The following ZNF518A variants were observed in gnomAD, a reference collection of about 807,000 sequenced individuals.
ZNF518A encodes the protein zinc finger protein 518A.
Under a neutral mutation model 102.7 loss-of-function variants are expected in ZNF518A, and 47 were observed. That is an observed-to-expected ratio of 0.46 (90% CI 0.36 to 0.58). The LOEUF (loss-of-function observed/expected upper bound fraction) is 0.58. Ranked by LOEUF, ZNF518A falls within the 20% of genes least tolerant of loss-of-function variation. ZNF518A has a pLI of 0.00. For synonymous variants in ZNF518A, 652 were observed against 594.6 expected (o/e 1.10, Z -1.40); for missense variants, 1,793 against 1,699.8 (o/e 1.05, Z -0.96).
intron 3 of ZNF518A, 144 bp from the exon 4 acceptor site, chr10:96,155,182 G>T (rs1011540738): frequency 6.6e-6 from 1 of 152,088 alleles, no homozygotes; most frequent in Admixed American, 6.5e-5. Flanking sequence ...TGTCCCATAC[G>T]TGGTAATCAC....
chr10:96,182,802 G>C (rs782268111), intron 1 of ZNF518A, among the ~76,000 whole-genome samples: 2 of 152,188 alleles, frequency 1.3e-5, no homozygotes, highest in African/African-American at 4.8e-5. Flanking sequence ...TTGTGTCTCT[G>C]CCAGGCTTTG....
intron 2 of ZNF518A, 94 bp downstream of exon 2, chr10:96,132,764 A>C (rs3168019): frequency 6.6e-6 from 1 of 152,104 alleles, no homozygotes; most frequent in Non-Finnish European, 1.5e-5. Flanking sequence ...AATATAGGTT[A>C]AGTATCCCAA....
chr10:96,145,141 C>T (rs1359847962), intron 3 of ZNF518A, among the ~76,000 whole-genome samples: 1 of 152,044 alleles, frequency 6.6e-6, no homozygotes, highest in Non-Finnish European at 1.5e-5. Context: ...GTAATCTCAG[C>T]TTACTGCAAC....
rs2083011197 is a variant in ZNF518A at position 96,161,818 on chromosome 10, G to C, written c.*1044G>C. The C allele has an allele frequency of 6.0e-6, 1 of 166,968 alleles. No individual in the cohort carries two copies. Among genetic ancestry groups the C allele is most frequent in the South Asian group, 2.1e-4 (1 of 4,830 alleles). 10.3% of individuals were successfully genotyped at this position (166,968 alleles called of 1,614,324 possible). On this transcript the variant is annotated 3_prime_UTR_variant, in exon 6 of 6. Coordinates refer to ENST00000316045, the MANE Select transcript of ZNF518A (RefSeq NM_001330736.2). The stretch of plus-strand genomic sequence containing the variant: ...GCATTTCTGTTAGCTGCTTCTCAGT[G>C]TGACTGACAACCCAAAACATATATA...
At chr10:96,189,676 T>C (rs1263511587) in intron 1 of ZNF518A, 1 of 719,846 alleles carries the variant, frequency 1.4e-6, no homozygotes, top group African/African-American at 1.7e-5. Flanking sequence ...TGGTGCTTTT[T>C]CTTCAGTTTC....
At chr10:96,135,760 C>T (rs1323088834) in intron 3 of ZNF518A, among the ~76,000 whole-genome samples, 1 of 152,076 alleles carries the variant, frequency 6.6e-6, no homozygotes, top group Non-Finnish European at 1.5e-5. Flanking sequence ...AGAAGAATTC[C>T]TTGTCTTGGA....
At chr10:96,148,376 G>T (rs1159002948) in intron 3 of ZNF518A, among the ~76,000 whole-genome samples, 1 of 152,118 alleles carries the variant, frequency 6.6e-6, no homozygotes, top group African/African-American at 2.4e-5. Context: ...GGAGGTGGAG[G>T]TTGTGGTGAG....
At chr10:96,190,843 G>T (rs2083316483) in intron 1 of ZNF518A, among the ~76,000 whole-genome samples, 2 of 152,070 alleles carry the variant, frequency 1.3e-5, no homozygotes, top group Non-Finnish European at 2.9e-5. Flanking sequence ...TTTATTCCTT[G>T]GTGTTCACCA....
chr10:96,134,416 T>C (rs1285573954), intron 3 of ZNF518A, among the ~76,000 whole-genome samples: 5 of 152,100 alleles, frequency 3.3e-5, no homozygotes, highest in East Asian at 1.9e-4. Flanking sequence ...TTATTTTTAG[T>C]GGAGACGAGG....
At chr10:96,141,451 C>T (rs974997697) in intron 3 of ZNF518A, among the ~76,000 whole-genome samples, 2 of 152,070 alleles carry the variant, frequency 1.3e-5, no homozygotes, top group South Asian at 4.1e-4. Flanking sequence ...ATGAACAGAA[C>T]AAAGGTAAAT....
At chr10:96,173,012 T>G (rs587688492) in intron 1 of ZNF518A, among the ~76,000 whole-genome samples, 6 of 152,290 alleles carry the variant, frequency 3.9e-5, no homozygotes, top group Admixed American at 1.3e-4. Context: ...GTACAGACTT[T>G]TTTTCTTATT....
chr10:96,205,005 C>T (rs1299668139), downstream of ZNF518A: 4 of 306,892 alleles, frequency 1.3e-5, no homozygotes, highest in Middle Eastern at 2.3e-3. Context: ...GTGGAGACAA[C>T]ACCCTGGTGG....
At chr10:96,164,532 CTT>C (rs1205365655), downstream of ZNF518A, among the ~76,000 whole-genome samples, 13 of 152,196 alleles carry the variant, frequency 8.5e-5, no homozygotes, top group African/African-American at 2.4e-4. Flanking sequence ...GTATGCCTCT[CTT>C]AATAACTGGA....
Position 96,157,319 on chromosome 10 carries a change from A to T in ZNF518A, c.997A>T (p.Ile333Phe), listed in dbSNP as rs1554883314. Residue 333 changes from isoleucine (I) to phenylalanine (F), a missense_variant, in exon 6 of 6, where the codon ATT becomes TTT. Coordinates refer to ENST00000316045, the MANE Select transcript of ZNF518A (RefSeq NM_001330736.2). Reference sequence around the variant, plus strand: ...GAAGACGTTCTGGAAACGTAAGAAAATTAACAGTGGAAGTGACAGAAGTAT... The same window carrying T: ...GAAGACGTTCTGGAAACGTAAGAAATTTAACAGTGGAAGTGACAGAAGTAT... Reference protein sequence around the residue: ...SRKTFWKRKKINSGSDRSIEK... With the variant: ...SRKTFWKRKKFNSGSDRSIEK... The T allele has an allele frequency of 6.2e-7, 1 of 1,611,862 alleles. No homozygotes were observed. Among genetic ancestry groups the T allele is most frequent in the Admixed American group, 1.7e-5 (1 of 59,580 alleles).
intron 3 of ZNF518A, among the ~76,000 whole-genome samples, chr10:96,136,800 A>G (rs921806902): frequency 3.9e-5 from 6 of 152,178 alleles, no homozygotes; most frequent in South Asian, 2.1e-4. Flanking sequence ...GTAGTTTCCT[A>G]TGTCCTTGCC....
chr10:96,133,506 A>G (rs1378166497), intron 2 of ZNF518A, 77 bp from the exon 3 acceptor site: 1 of 152,164 alleles, frequency 6.6e-6, no homozygotes, highest in African/African-American at 2.4e-5. Flanking sequence ...TGTAGTGGAA[A>G]ATATTGTACC....
At chr10:96,186,726 T>C (rs587774924) in intron 1 of ZNF518A, among the ~76,000 whole-genome samples, 67 of 152,304 alleles carry the variant, frequency 4.4e-4, no homozygotes, top group African/African-American at 1.6e-3. Context: ...ATTTTACAAA[T>C]AGAGAAACCA....
rs1554882649 is a variant in ZNF518A, at chr10:96,156,672, T to C, written c.350T>C (p.Leu117Pro). ...GGTGTAAAAATGTCTGCAAAAATAC[T>C]CAATTTCAGCTGTTTAAAATGCCGA... ...EEGVKMSAKI[L>P]NFSCLKCRDN... Residue 117 changes from leucine to proline, a missense_variant, in exon 6 of 6, where the codon CTC becomes CCC. Physicochemically the swap from Leu to Pro is moderately conservative, Grantham distance 98 (BLOSUM62 -3). Around this residue, in one of 3 missense-constraint regions of ZNF518A, gnomAD observed 1,741 missense variants for 1,622.6 expected, o/e 1.07. Transcript: ENST00000316045. 6.2e-7 allele frequency: 1 copy of C among 1,613,794 alleles called. No homozygotes were observed. The highest frequency in any genetic ancestry group is 8.5e-7 in the Non-Finnish European group (1 of 1,179,782).
intron 1 of ZNF518A, chr10:96,201,131 A>G (rs1231225396): frequency 3.0e-6 from 4 of 1,326,402 alleles, no homozygotes; most frequent in Non-Finnish European, 4.3e-6. Flanking sequence ...ATCCCCTAAC[A>G]CTGTACTAGG....
Sources: allele counts gnomAD v4.1 joint callset (sites outside exome capture counted in the v4.1 genomes callset), GRCh38; gene constraint gnomAD v4.1.1; regional missense constraint gnomAD v4.1.1; transcripts MANE v1.5; gene names NCBI Gene and HGNC (gene_info 2026-07-23, HGNC 2026-07-21).